The following NRXN3 variants were observed in gnomAD, a reference collection of about 807,000 sequenced individuals.
NRXN3 encodes the protein neurexin 3.
Under a neutral mutation model 137.6 loss-of-function variants are expected in NRXN3, and 32 were observed. The observed-to-expected ratio is 0.23, with a 90% confidence interval of 0.18 to 0.31. NRXN3 has a LOEUF of 0.31. NRXN3 is among the 10% of genes least tolerant of loss of function. The pLI, the probability that NRXN3 is intolerant of heterozygous loss-of-function variation, is 1.00. For synonymous variants in NRXN3, 798 were observed against 784.5 expected, an observed-to-expected ratio of 1.02 and a Z score of -0.29; for missense variants, 1,574 against 2,062.5, an observed-to-expected ratio of 0.76 and a Z score of 4.59.
At chr14:79,818,962 GTA>G (rs971613181) in intron 20 of NRXN3, among the ~76,000 whole-genome samples, 29 of 152,286 alleles carry the variant, frequency 1.9e-4, no homozygotes, top group African/African-American at 6.7e-4. Flanking sequence ...TGGAAAATGT[GTA>G]TAGTTGAAAA....
In NRXN3 at chr14:78,381,889, T is replaced by C. The variant is rs569513203; in HGVS notation, c.757+84029T>C. Among the ~76,000 whole-genome samples, 246 of 152,268 alleles carry C rather than the reference T, an allele frequency of 1.6e-3. 2 individuals are homozygous for C. Among genetic ancestry groups the C allele is most frequent in the Non-Finnish European group, 2.2e-3 (153 of 68,000 alleles). ...ATTCTTTCTTTAAATGACAAAAATATAAAAGAGTGAACAGGTTAGTGGTTT... is the reference window on the plus strand; with the variant it reads ...ATTCTTTCTTTAAATGACAAAAATACAAAAGAGTGAACAGGTTAGTGGTTT... On this transcript the variant is annotated intron_variant, in intron 4 of 20. Transcript: ENST00000335750.
At chr14:79,235,184 A>G (rs968018673) in intron 15 of NRXN3, among the ~76,000 whole-genome samples, 1 of 152,128 alleles carries the variant, frequency 6.6e-6, no homozygotes, top group Non-Finnish European at 1.5e-5. Flanking sequence ...GTCTCATGTC[A>G]TGTGAAAGAC....
chr14:79,437,831 T>C (rs1384956483), intron 15 of NRXN3, among the ~76,000 whole-genome samples: 3 of 152,234 alleles, frequency 2.0e-5, no homozygotes, highest in Non-Finnish European at 2.9e-5. Context: ...GGGAAGTCAC[T>C]GGACCTCTTT....
At chr14:78,955,331 G>A (rs1164921310) in intron 10 of NRXN3, among the ~76,000 whole-genome samples, 2 of 152,086 alleles carry the variant, frequency 1.3e-5, no homozygotes, top group Non-Finnish European at 2.9e-5. Context: ...CTGTTGTGAT[G>A]GCAACTGTTA....
intron 10 of NRXN3, among the ~76,000 whole-genome samples, chr14:78,831,253 G>A (rs76505221): frequency 2.5e-3 from 375 of 152,074 alleles, no homozygotes; most frequent in Admixed American, 3.5e-3. Context: ...CGCAAGCCAC[G>A]ATTCTCACTG....
intron 17 of NRXN3, 28 bp downstream of exon 17, chr14:79,663,977 C>T (rs375878511): frequency 1.6e-5 from 25 of 1,605,316 alleles, no homozygotes; most frequent in Admixed American, 5.0e-5. Context: ...AATGGTCCTA[C>T]TCTTTTTGAC....
intron 19 of NRXN3, among the ~76,000 whole-genome samples, chr14:79,786,484 T>G (rs1370423859): frequency 1.3e-5 from 2 of 152,214 alleles, no homozygotes; most frequent in Admixed American, 6.5e-5. Context: ...CTTTTGCCTA[T>G]AAGATGTTGC....
intron 15 of NRXN3, among the ~76,000 whole-genome samples, chr14:79,261,353 A>G (rs1193660369): frequency 6.6e-6 from 1 of 152,170 alleles, no homozygotes; most frequent in Non-Finnish European, 1.5e-5. Flanking sequence ...CTGTAAGGGA[A>G]GGAGAAAGGG....
chr14:78,499,573 A>G (rs2095847509), intron 4 of NRXN3, among the ~76,000 whole-genome samples: 1 of 152,156 alleles, frequency 6.6e-6, no homozygotes, highest in African/African-American at 2.4e-5. Context: ...TCACACATTT[A>G]TTATCTCATA....
At chr14:79,774,717 C>T (rs1206011194) in intron 19 of NRXN3, among the ~76,000 whole-genome samples, 2 of 152,134 alleles carry the variant, frequency 1.3e-5, no homozygotes, top group African/African-American at 4.8e-5. Flanking sequence ...TAATAGTGCA[C>T]ATGCAGATTC....
chr14:79,296,003 G>A (rs2153467249), intron 15 of NRXN3, among the ~76,000 whole-genome samples: 1 of 152,202 alleles, frequency 6.6e-6, no homozygotes, highest in South Asian at 2.1e-4. Flanking sequence ...ATCAGATTTG[G>A]GCCTTGCCTA....
At chr14:78,633,244 A>G (rs2097537601) in intron 4 of NRXN3, among the ~76,000 whole-genome samples, 1 of 148,212 alleles carries the variant, frequency 6.7e-6, no homozygotes, top group South Asian at 2.2e-4. Flanking sequence ...ACAGAGCGAG[A>G]CTCTGTCAAA....
chr14:78,496,207 A>G (rs1348607583), intron 4 of NRXN3, among the ~76,000 whole-genome samples: 2 of 152,178 alleles, frequency 1.3e-5, no homozygotes, highest in Admixed American at 6.5e-5. Context: ...AGCTTCTTCA[A>G]CATTATACAG....
chr14:78,277,748 C>T (rs2073813130), intron 2 of NRXN3, among the ~76,000 whole-genome samples: 1 of 152,120 alleles, frequency 6.6e-6, no homozygotes, highest in Non-Finnish European at 1.5e-5. Flanking sequence ...TATGCTTCCC[C>T]AGCCCGATTC....
chr14:79,349,299 TA>T (rs143489401), intron 15 of NRXN3, among the ~76,000 whole-genome samples: 131 of 151,656 alleles, frequency 8.6e-4, no homozygotes, highest in African/African-American at 2.9e-3. Context: ...CCGGAATCTT[TA>T]AAAAAAATCT....
chr14:79,447,936 A>G (rs1266536920), intron 15 of NRXN3, among the ~76,000 whole-genome samples: 1 of 152,134 alleles, frequency 6.6e-6, no homozygotes, highest in Non-Finnish European at 1.5e-5. Context: ...CCTTCCTCCC[A>G]AGTCTGAGTT....
chr14:78,521,730 T>C (rs2096287140), intron 4 of NRXN3, among the ~76,000 whole-genome samples: 1 of 152,130 alleles, frequency 6.6e-6, no homozygotes. Context: ...ACCACAATGA[T>C]ATATAACTGG....
chr14:78,544,242 A>C (rs2096617751), intron 4 of NRXN3, among the ~76,000 whole-genome samples: 1 of 152,220 alleles, frequency 6.6e-6, no homozygotes. Flanking sequence ...CAGAGAGGAT[A>C]TGAGGGCACA....
chr14:78,665,803 G>A (rs920156366), intron 6 of NRXN3, among the ~76,000 whole-genome samples: 1 of 152,172 alleles, frequency 6.6e-6, no homozygotes, highest in Non-Finnish European at 1.5e-5. Flanking sequence ...CAGTGAGAGA[G>A]GTGGTGAGAG....
Sources: gnomAD v4.1 joint callset for allele counts (sites outside exome capture counted in the v4.1 genomes callset) on GRCh38, gnomAD v4.1.1 for gene constraint, MANE v1.5 for transcripts, NCBI Gene and HGNC (gene_info 2026-07-23, HGNC 2026-07-21) for gene names.